The following DLG2 variants were observed in gnomAD, a reference collection of about 807,000 sequenced individuals.
The protein encoded by DLG2 is disks large homolog 2.
A neutral mutation model predicts 132.5 loss-of-function variants in DLG2; 45 were observed. The ratio of observed to expected loss-of-function variants is 0.34; its 90% confidence interval spans 0.27 to 0.44. DLG2 has a LOEUF of 0.44. Ranked by LOEUF, DLG2 falls within the 20% of genes least tolerant of loss-of-function variation. The pLI, the probability that DLG2 is intolerant of heterozygous loss-of-function variation, is 1.00. For synonymous variants in DLG2, 424 were observed against 419.6 expected, an observed-to-expected ratio of 1.01 and a Z score of -0.13; for missense variants, 1,045 against 1,196.9, an observed-to-expected ratio of 0.87 and a Z score of 1.87.
At chr11:84,994,401 T>C (rs1412121458) in intron 6 of DLG2, among the ~76,000 whole-genome samples, 16 of 152,092 alleles carry the variant, frequency 1.1e-4, no homozygotes, top group Admixed American at 1.0e-3. Context: ...ATACACCACA[T>C]CTAAATACAC....
intron 11 of DLG2, among the ~76,000 whole-genome samples, chr11:83,999,046 A>T (rs35918539): frequency 0.022 from 3,371 of 152,282 alleles, 67 homozygotes; most frequent in Middle Eastern, 0.034. Flanking sequence ...CCGCCTTGCC[A>T]GCAGTCCAAC....
intron 6 of DLG2, among the ~76,000 whole-genome samples, chr11:84,830,216 C>T (rs1422367142): frequency 6.6e-6 from 1 of 151,528 alleles, no homozygotes; most frequent in East Asian, 2.0e-4. Flanking sequence ...AGAACATTCC[C>T]TGTCCTGGTA....
intron 4 of DLG2, among the ~76,000 whole-genome samples, chr11:85,250,305 A>G (rs1157951969): frequency 2.0e-5 from 3 of 152,192 alleles, no homozygotes; most frequent in South Asian, 2.1e-4. Flanking sequence ...CCTTTGTCAA[A>G]CATTTACTGT....
chr11:84,515,407 T>C (rs907435487), intron 7 of DLG2, among the ~76,000 whole-genome samples: 1 of 151,596 alleles, frequency 6.6e-6, no homozygotes, highest in African/African-American at 2.4e-5. Flanking sequence ...AGATATTTTA[T>C]GCATATGAAA....
intron 4 of DLG2, among the ~76,000 whole-genome samples, chr11:85,281,721 G>A (rs550590248): frequency 6.6e-6 from 1 of 152,130 alleles, no homozygotes; most frequent in East Asian, 1.9e-4. Context: ...ATGCTGGTGA[G>A]GATGTGGAGA....
chr11:84,185,027 T>C (rs1231062518), intron 8 of DLG2, among the ~76,000 whole-genome samples: 1 of 152,212 alleles, frequency 6.6e-6, no homozygotes, highest in Non-Finnish European at 1.5e-5. Context: ...TTTGTTCTTT[T>C]GGTTTAGGAT....
chr11:83,600,236 G>GGGGGGTGTGTGT (rs142616504), intron 19 of DLG2, among the ~76,000 whole-genome samples: 25 of 145,512 alleles, frequency 1.7e-4, no homozygotes, highest in African/African-American at 5.9e-4. Flanking sequence ...CTAGCTATAG[G>GGGGGGTGTGTGT]GTGTGTGTGT....
intron 15 of DLG2, among the ~76,000 whole-genome samples, chr11:83,908,358 C>A (rs1449435407): frequency 6.6e-6 from 1 of 151,706 alleles, no homozygotes; most frequent in South Asian, 2.1e-4. Flanking sequence ...CTATGTTAAC[C>A]TTCCTCTGAA....
chr11:85,352,314 G>T (rs550653320), intron 3 of DLG2, among the ~76,000 whole-genome samples: 1 of 151,838 alleles, frequency 6.6e-6, no homozygotes, highest in South Asian at 2.1e-4. Flanking sequence ...TTCTTTATTA[G>T]TCTAGCTAGT....
chr11:83,780,195 A>T (rs1489388736), intron 18 of DLG2, among the ~76,000 whole-genome samples: 1 of 152,166 alleles, frequency 6.6e-6, no homozygotes, highest in Non-Finnish European at 1.5e-5. Flanking sequence ...TGCTTCTTGG[A>T]TGGCGTATGT....
intron 6 of DLG2, among the ~76,000 whole-genome samples, chr11:84,684,493 C>T (rs1402212936): frequency 6.6e-6 from 1 of 152,112 alleles, no homozygotes; most frequent in Non-Finnish European, 1.5e-5. Context: ...TGTTGATGGG[C>T]TACCTATGAA....
At chr11:84,175,668 C>A (rs1392897516) in intron 8 of DLG2, among the ~76,000 whole-genome samples, 1 of 152,082 alleles carries the variant, frequency 6.6e-6, no homozygotes, top group African/African-American at 2.4e-5. Flanking sequence ...CATATAATCT[C>A]TTTTCATCCC....
rs566710975 is a variant in DLG2, at chr11:83,680,644, T to C, written c.1826-47319A>G. ...CACAATACATCACTCCTCTGCTCTT[T>C]AAGCAGAACTTATTCAGAGAAACGG... On this transcript the variant is annotated intron_variant, in intron 18 of 27. Transcript: ENST00000376104. Among the ~76,000 whole-genome samples the C allele has an allele frequency of 2.0e-5, 3 of 152,294 alleles. No homozygotes were observed. The East Asian group carries it at 5.8e-4, about 29-fold the overall frequency.
chr11:85,122,694 C>A (rs1461824660), intron 5 of DLG2, among the ~76,000 whole-genome samples: 4 of 151,750 alleles, frequency 2.6e-5, no homozygotes, highest in African/African-American at 9.7e-5. Context: ...TCCTGCATTT[C>A]CAGCAGTTTT....
intron 15 of DLG2, among the ~76,000 whole-genome samples, chr11:83,906,891 A>C (rs1446956945): frequency 1.3e-5 from 2 of 152,208 alleles, no homozygotes; most frequent in African/African-American, 4.8e-5. Context: ...GGGACTTTCA[A>C]GTTTATCGGT....
At chr11:84,126,438 A>G (rs1217913112) in intron 9 of DLG2, among the ~76,000 whole-genome samples, 18 of 152,070 alleles carry the variant, frequency 1.2e-4, no homozygotes, top group Admixed American at 1.2e-3. Flanking sequence ...AAGAAAGAAA[A>G]CTCTAAAGGA....
At chr11:85,022,788 T>A (rs1353455055) in intron 6 of DLG2, among the ~76,000 whole-genome samples, 1 of 152,092 alleles carries the variant, frequency 6.6e-6, no homozygotes, top group African/African-American at 2.4e-5. Flanking sequence ...ATTTTTCCAA[T>A]CAATACTTTA....
At chr11:84,287,781 A>C (rs936180799) in intron 7 of DLG2, among the ~76,000 whole-genome samples, 193 of 97,812 alleles carry the variant, frequency 2.0e-3, no homozygotes, top group Admixed American at 6.0e-3. Flanking sequence ...CACACACACA[A>C]ATACTTTATT....
intron 7 of DLG2, among the ~76,000 whole-genome samples, chr11:84,312,444 A>G (rs2098297324): frequency 6.6e-6 from 1 of 152,240 alleles, no homozygotes; most frequent in Non-Finnish European, 1.5e-5. Flanking sequence ...GCACCATGGC[A>G]TTCCAGGACC....
Sources: gnomAD v4.1 joint callset for allele counts (sites outside exome capture counted in the v4.1 genomes callset) on GRCh38, gnomAD v4.1.1 for gene constraint, MANE v1.5 for transcripts, NCBI Gene and HGNC (gene_info 2026-07-23, HGNC 2026-07-21) for gene names.